Variants in PLEKHH1 observed in about 807,000 individuals in gnomAD.
The protein encoded by PLEKHH1 is pleckstrin homology domain-containing family H member 1.
In PLEKHH1, 104 loss-of-function variants were observed where a neutral mutation model predicts 160.0. The observed-to-expected ratio is 0.65, with a 90% CI of 0.55 to 0.76. The LOEUF is 0.76. Ranked by LOEUF, PLEKHH1 falls within the 30% of genes least tolerant of loss-of-function variation. The pLI, the probability that PLEKHH1 is intolerant of heterozygous loss-of-function variation, is 0.00. For synonymous variants in PLEKHH1, 619 were observed against 678.4 expected (o/e 0.91, Z 1.36); for missense variants, 1,427 against 1,724.1 (o/e 0.83, Z 3.05).
At chr14:67,586,318 T>C in intron 28 of PLEKHH1, 1 of 1,299,338 alleles carries the variant, frequency 7.7e-7, no homozygotes, top group Non-Finnish European at 1.1e-6. Flanking sequence ...GAACTAACTC[T>C]GGCCTAGCTA....
At position 67,562,912 on chromosome 14, in the gene PLEKHH1, G is replaced by T; in HGVS notation, c.1263+18G>T. ...CATCCTGGGTAAGAGGCAACCTCCG[G>T]GCTGGGCAGAGGAGCAGAGCTAATG... On this transcript the variant is annotated intron_variant, in intron 7 of 28. Transcript: ENST00000329153. 6.2e-7 allele frequency: 1 copy of T among 1,606,528 alleles called. No homozygotes were observed. The highest frequency in any genetic ancestry group is 8.5e-7 in the Non-Finnish European group (1 of 1,177,032).
At chr14:67,581,835 A>C (rs2035915915) in intron 23 of PLEKHH1, 1 of 493,454 alleles carries the variant, frequency 2.0e-6, no homozygotes, top group African/African-American at 1.9e-5. Context: ...CAGTAAGCTT[A>C]ATGGTATCTT....
At chr14:67,538,072 T>C (rs1280056234) in intron 1 of PLEKHH1, among the ~76,000 whole-genome samples, 2 of 152,108 alleles carry the variant, frequency 1.3e-5, no homozygotes, top group Non-Finnish European at 2.9e-5. Context: ...ATTGTACTAT[T>C]CTCCCTATTT....
chr14:67,582,089 T>C lies in PLEKHH1; in HGVS notation c.3305T>C (p.Val1102Ala), dbSNP rs148792532. 3.7e-5 allele frequency: 60 copies of C among 1,611,848 alleles called. No homozygotes were observed. In the East Asian group the frequency reaches 1.3e-3, roughly 35 times the overall value. Reference protein sequence around the residue: ...YKNRLYFRSQVKGETDRERLL... With the variant: ...YKNRLYFRSQAKGETDRERLL... ...TGTAGGCTGTACTTTCGCAGTCAAGTCAAAGGGGAGACGGACCGAGAACGG... is the reference window on the plus strand; with the variant it reads ...TGTAGGCTGTACTTTCGCAGTCAAGCCAAAGGGGAGACGGACCGAGAACGG... Residue 1102 changes from valine to alanine, a missense_variant, in exon 24 of 29, where the codon GTC becomes GCC. Coordinates refer to ENST00000329153, the MANE Select transcript of PLEKHH1 (RefSeq NM_020715.3). This position sits in a 1 kb window ranked among gnomAD's most constrained non-coding sequence, Gnocchi z 5.0.
Position 67,571,735 on chromosome 14 carries a change from A to AGG in PLEKHH1, c.1435-14_1435-13dup. 1 of 1,605,946 alleles carries AGG rather than the reference A, an allele frequency of 6.2e-7. No homozygotes were observed. Among genetic ancestry groups the AGG allele is most frequent in the South Asian group, 1.1e-5 (1 of 90,958 alleles). ...TTTGCAGCCTGAGCTGCAGTGAGGG[A>AGG]GGGGCCTGTCTTGCAGAGAGCTACA... On this transcript the variant is annotated splice_polypyrimidine_tract_variant and intron_variant, in intron 9 of 28. Coordinates refer to ENST00000329153, the MANE Select transcript of PLEKHH1 (RefSeq NM_020715.3).
At position 67,562,619 on chromosome 14, in the gene PLEKHH1, A is replaced by G; in HGVS notation, c.988A>G (p.Arg330Gly). 6.2e-7 allele frequency: 1 copy of G among 1,612,920 alleles called. No homozygotes were observed. Among genetic ancestry groups the G allele is most frequent in the Non-Finnish European group, 8.5e-7 (1 of 1,179,498 alleles). Reference protein sequence around the residue: ...TPRDSIQLAKRHHSQPQVGHG... With the variant: ...TPRDSIQLAKGHHSQPQVGHG... Reference sequence around the variant, plus strand: ...GCGGGACAGCATCCAGTTGGCCAAAAGGCACCACAGCCAGCCCCAGGTGGG... The same window carrying G: ...GCGGGACAGCATCCAGTTGGCCAAAGGGCACCACAGCCAGCCCCAGGTGGG... The change falls in exon 7 of 29, where the codon AGG becomes GGG. Residue 330 changes from arginine (R) to glycine (G), a missense_variant. By Grantham distance (125) the Arg-to-Gly change is moderately radical. Coordinates refer to ENST00000329153, the MANE Select transcript of PLEKHH1 (RefSeq NM_020715.3).
At chr14:67,585,401 T>C (rs1423549121) in intron 26 of PLEKHH1, 167 bp from the exon 27 acceptor site, 9 of 594,494 alleles carry the variant, frequency 1.5e-5, no homozygotes, top group Non-Finnish European at 2.4e-5. Context: ...AGCAGCCTTG[T>C]CTATTTCCTG....
intron 2 of PLEKHH1, among the ~76,000 whole-genome samples, chr14:67,551,925 C>T (rs1031834226): frequency 6.6e-6 from 1 of 152,090 alleles, no homozygotes; most frequent in Admixed American, 6.5e-5. Context: ...CATTGAGACC[C>T]GGGATGGTGT....
At chr14:67,552,556 A>G (rs1447868111) in intron 2 of PLEKHH1, among the ~76,000 whole-genome samples, 1 of 152,172 alleles carries the variant, frequency 6.6e-6, no homozygotes, top group Non-Finnish European at 1.5e-5. Flanking sequence ...TCACGAGGTC[A>G]GGAGATCGAG....
chr14:67,546,546 A>T (rs1293792523), intron 2 of PLEKHH1, among the ~76,000 whole-genome samples: 1 of 151,902 alleles, frequency 6.6e-6, no homozygotes, highest in Non-Finnish European at 1.5e-5. Context: ...GCGCGCCACC[A>T]CGCCCAGCTA....
At chr14:67,577,224 T>G in intron 17 of PLEKHH1, 78 bp from the exon 18 acceptor site, 1 of 899,798 alleles carries the variant, frequency 1.1e-6, no homozygotes, top group Non-Finnish European at 1.8e-6. Flanking sequence ...CCCCATAAAT[T>G]AAAGATGGCG....
At chr14:67,575,228 C>T (rs1282004303) in intron 14 of PLEKHH1, among the ~76,000 whole-genome samples, 164 bp from the exon 15 acceptor site, 1 of 152,172 alleles carries the variant, frequency 6.6e-6, no homozygotes, top group Non-Finnish European at 1.5e-5. Flanking sequence ...GGTGTCATGG[C>T]ACCCTCACTG....
rs1379898556 is a variant in PLEKHH1 at position 67,561,898 on chromosome 14, A to C, written c.424-56A>C. 7 of 1,288,952 alleles carry C rather than the reference A, an allele frequency of 5.4e-6. No individual in the cohort carries two copies. The Admixed American group carries it at 1.3e-4, about 23-fold the overall frequency. The allele number at this position is 1,288,952 out of a possible 1,614,324, so 79.8% of individuals were successfully genotyped here. ...AAAAAAAAAAAAAAGAATTGAAAAA[A>C]TACATCTAAACCTGTAGGCTGGGTG... On this transcript the variant is annotated intron_variant, in intron 5 of 28. Coordinates refer to ENST00000329153, the MANE Select transcript of PLEKHH1 (RefSeq NM_020715.3).
At chr14:67,577,252 C>T in intron 17 of PLEKHH1, 50 bp from the exon 18 acceptor site, 3 of 1,146,322 alleles carry the variant, frequency 2.6e-6, no homozygotes, top group East Asian at 5.1e-5. Context: ...GGAGATGAGT[C>T]CCCTCTCAGT....
intron 7 of PLEKHH1, among the ~76,000 whole-genome samples, chr14:67,568,039 G>C (rs145458182): frequency 6.6e-6 from 1 of 152,166 alleles, no homozygotes; most frequent in African/African-American, 2.4e-5. Context: ...TCTGCATGGG[G>C]GTGCTGGAGT....
chr14:67,573,862 G>T lies in PLEKHH1; in HGVS notation c.1901G>T (p.Arg634Leu), dbSNP rs780212110. 2.5e-6 allele frequency: 4 copies of T among 1,613,424 alleles called. No individual in the cohort carries two copies. The African/African-American group carries it at 4.0e-5, about 16-fold the overall frequency. ...CTGAACTCCCGCTGCCAAATTGTTC[G>T]AGGGGAGGGTTCACAGACGTTTCAG... ...VDLNSRCQIV[R>L]GEGSQTFQLI... Residue 634 changes from arginine to leucine, a missense_variant, in exon 13 of 29, where the codon CGA becomes CTA. Arg to Leu is a moderately radical substitution (Grantham distance 102, BLOSUM62 -2). Around this residue, in one of 6 missense-constraint regions of PLEKHH1, gnomAD observed 831 missense variants for 929.2 expected, o/e 0.89. Coordinates refer to ENST00000329153, the MANE Select transcript of PLEKHH1 (RefSeq NM_020715.3). The surrounding 1 kb of genome is among the most constrained non-coding windows in gnomAD (Gnocchi z 4.8).
chr14:67,580,710 C>T (rs535584159), intron 22 of PLEKHH1, among the ~76,000 whole-genome samples: 2 of 152,302 alleles, frequency 1.3e-5, no homozygotes, highest in Non-Finnish European at 2.9e-5. Flanking sequence ...ACCAGCAGGG[C>T]AGATTTCTTG....
At chr14:67,561,229 A>G (rs560209564) in intron 5 of PLEKHH1, among the ~76,000 whole-genome samples, 6 of 152,292 alleles carry the variant, frequency 3.9e-5, no homozygotes, top group Admixed American at 6.5e-5. Context: ...AAGATACTCA[A>G]TAAAAGTGTG....
At chr14:67,538,282 G>C (rs1235742390) in intron 1 of PLEKHH1, among the ~76,000 whole-genome samples, 1 of 152,124 alleles carries the variant, frequency 6.6e-6, no homozygotes. Flanking sequence ...GTAGATATTG[G>C]GAGATCAGGA....
Sources: gnomAD v4.1 joint callset for allele counts (sites outside exome capture counted in the v4.1 genomes callset) on GRCh38, gnomAD v4.1.1 for gene constraint, gnomAD v4.1.1 regional missense constraint, Gnocchi (gnomAD v3.1) non-coding constraint, MANE v1.5 for transcripts, NCBI Gene and HGNC (gene_info 2026-07-23, HGNC 2026-07-21) for gene names.